LIMCH1: variants seen among roughly 807,000 people sequenced by gnomAD.
The protein encoded by LIMCH1 is LIM and calponin homology domains-containing protein 1.
LIMCH1 carries 113 observed loss-of-function variants against 176.5 expected under a neutral mutation model. That is an observed-to-expected ratio of 0.64 (90% CI 0.55 to 0.75). The LOEUF (loss-of-function observed/expected upper bound fraction) is 0.75. Among genes scored for constraint, LIMCH1 ranks in the 30% least tolerant of loss-of-function variants. LIMCH1 has a pLI of 0.00. For synonymous variants in LIMCH1, 619 were observed against 645.9 expected, an observed-to-expected ratio of 0.96 and a Z score of 0.63; for missense variants, 1,674 against 1,814.9, an observed-to-expected ratio of 0.92 and a Z score of 1.41.
intron 3 of LIMCH1, among the ~76,000 whole-genome samples, chr4:41,605,610 A>ATTT (rs2090585513): frequency 6.6e-6 from 1 of 152,136 alleles, no homozygotes; most frequent in African/African-American, 2.4e-5. Context: ...GGGTAGATTC[A>ATTT]TTTTTCCTTC....
At chr4:41,407,368 A>G (rs1375047756) in intron 1 of LIMCH1, among the ~76,000 whole-genome samples, 2 of 152,182 alleles carry the variant, frequency 1.3e-5, no homozygotes, top group Admixed American at 1.3e-4. Context: ...CGCTAGGACT[A>G]TGGGCATTTG....
chr4:41,486,094 G>A (rs1038507375), intron 1 of LIMCH1, among the ~76,000 whole-genome samples: 2 of 152,190 alleles, frequency 1.3e-5, no homozygotes, highest in African/African-American at 4.8e-5. Context: ...GGATCAAGAG[G>A]ATGAGAGAGC....
At chr4:41,520,555 G>A (rs1259941605) in intron 2 of LIMCH1, among the ~76,000 whole-genome samples, 2 of 152,036 alleles carry the variant, frequency 1.3e-5, no homozygotes, top group Non-Finnish European at 2.9e-5. Context: ...ACTGTACCAA[G>A]ATTACAAATT....
chr4:41,538,129 C>A, upstream of LIMCH1: 1 of 983,116 alleles, frequency 1.0e-6, no homozygotes, highest in Non-Finnish European at 1.2e-6. Context: ...TGGCAATCAG[C>A]TGTCTTCCAG....
chr4:41,416,270 G>A (rs2059928756), intron 1 of LIMCH1, among the ~76,000 whole-genome samples: 1 of 152,158 alleles, frequency 6.6e-6, no homozygotes, highest in Admixed American at 6.5e-5. Flanking sequence ...CCAGGCAATA[G>A]AAGATTTTAA....
At chr4:41,598,291 A>G (rs2089287557) in intron 1 of LIMCH1, among the ~76,000 whole-genome samples, 1 of 152,184 alleles carries the variant, frequency 6.6e-6, no homozygotes, top group Non-Finnish European at 1.5e-5. Context: ...GTAAATTTGT[A>G]TCTGCTAGAG....
At chr4:41,503,175 GA>G (rs1007213353) in intron 2 of LIMCH1, among the ~76,000 whole-genome samples, 1 of 152,148 alleles carries the variant, frequency 6.6e-6, no homozygotes, top group Non-Finnish European at 1.5e-5. Flanking sequence ...CAGGAAAAAA[GA>G]GATACTTTTT....
intron 6 of LIMCH1, chr4:41,620,100 C>T: frequency 7.5e-6 from 2 of 267,062 alleles, no homozygotes; most frequent in East Asian, 9.1e-5. Context: ...TCTAATAGTC[C>T]ATCTGTACTA....
At chr4:41,612,353 C>A in intron 4 of LIMCH1, 1 of 564,146 alleles carries the variant, frequency 1.8e-6, no homozygotes. Context: ...TTTTTCCTTT[C>A]TATTGGGAAT....
intron 4 of LIMCH1, 34 bp downstream of exon 4, chr4:41,606,038 T>A: frequency 7.0e-7 from 1 of 1,428,612 alleles, no homozygotes; most frequent in Non-Finnish European, 9.9e-7. Context: ...CCCATAAGCG[T>A]TAGACAAGGT....
intron 30 of LIMCH1, among the ~76,000 whole-genome samples, chr4:41,691,776 AAT>A: frequency 6.6e-6 from 1 of 152,108 alleles, no homozygotes; most frequent in African/African-American, 2.4e-5. Context: ...AAATAAATAA[AAT>A]AAACAAATGG....
At chr4:41,687,752 T>C in intron 28 of LIMCH1, 88 bp from the exon 29 acceptor site, 1 of 825,200 alleles carries the variant, frequency 1.2e-6, no homozygotes, top group East Asian at 2.6e-5. Context: ...TTATTTTATT[T>C]TATTTTCCTA....
chr4:41,538,689 G>A (rs1380847083), intron 1 of LIMCH1, among the ~76,000 whole-genome samples: 1 of 152,032 alleles, frequency 6.6e-6, no homozygotes, highest in African/African-American at 2.4e-5. Context: ...AAGCAACTTG[G>A]CTGCATTTTT....
At chr4:41,574,793 G>C (rs1216644751) in intron 1 of LIMCH1, among the ~76,000 whole-genome samples, 1 of 152,150 alleles carries the variant, frequency 6.6e-6, no homozygotes, top group African/African-American at 2.4e-5. Flanking sequence ...AGCGAAATAG[G>C]TTGGGCACTT....
At chr4:41,385,356 G>T (rs1006342198) in intron 1 of LIMCH1, among the ~76,000 whole-genome samples, 1 of 152,108 alleles carries the variant, frequency 6.6e-6, no homozygotes, top group African/African-American at 2.4e-5. Context: ...TTTGTTTTCT[G>T]AGCATTTTAT....
chr4:41,494,578 G>A (rs1469196348), exon 2 of LIMCH1: 3 of 1,612,662 alleles, frequency 1.9e-6, no homozygotes, highest in Non-Finnish European at 2.5e-6. Flanking sequence ...TTTTCGGACA[G>A]GTTTAGAAAA....
chr4:41,384,857 C>T (rs979707730), intron 1 of LIMCH1, among the ~76,000 whole-genome samples: 23 of 151,856 alleles, frequency 1.5e-4, no homozygotes, highest in African/African-American at 5.6e-4. Flanking sequence ...GGTTTCCCCT[C>T]AACTTTGTAT....
In LIMCH1 at chr4:41,619,155, A is replaced by T. The variant is rs765387356; in HGVS notation, c.206-33A>T. 19 of 1,611,176 alleles carry T rather than the reference A, an allele frequency of 1.2e-5. No individual in the cohort carries two copies. The South Asian group carries it at 2.1e-4, about 18-fold the overall frequency. On this transcript the variant is annotated intron_variant, in intron 5 of 31. Coordinates refer to ENST00000503057, the MANE Select transcript of LIMCH1 (RefSeq NM_001330672.2). ...ATTGGGAACTTTCTGCTAGCCTAAC[A>T]CACTTTCTCAGTACCCATCCTCTCT... is the stretch of plus-strand genomic sequence containing the variant.
chr4:41,379,025 T>G (rs969009842), intron 1 of LIMCH1, among the ~76,000 whole-genome samples: 3 of 152,218 alleles, frequency 2.0e-5, no homozygotes, highest in African/African-American at 7.2e-5. Context: ...AAAAGTTTTT[T>G]GATGGTGATT....
Sources: allele counts gnomAD v4.1 joint callset (sites outside exome capture counted in the v4.1 genomes callset), GRCh38; gene constraint gnomAD v4.1.1; transcripts MANE v1.5; gene names NCBI Gene and HGNC (gene_info 2026-07-23, HGNC 2026-07-21).